LARGE1: variants seen among roughly 807,000 people sequenced by gnomAD.
LARGE1 encodes the protein LARGE xylosyl- and glucuronyltransferase 1.
LARGE1 carries 43 observed loss-of-function variants against 87.6 expected under a neutral mutation model. The observed-to-expected ratio is 0.49, with a 90% CI of 0.38 to 0.63. The LOEUF is 0.63. Ranked by LOEUF, LARGE1 falls within the 30% of genes least tolerant of loss-of-function variation. The pLI is 0.00. For missense variants in LARGE1, 802 were observed against 1,000.2 expected (o/e 0.80, Z 2.67); for synonymous variants, 434 against 394.6 (o/e 1.10, Z -1.18).
At chr22:33,166,943 G>A in intron 11 of LARGE1, 1 of 425,852 alleles carries the variant, frequency 2.3e-6, no homozygotes, top group South Asian at 1.7e-5. Context: ...TCCTCAAGTG[G>A]GTCTAAATTT....
intron 1 of LARGE1, among the ~76,000 whole-genome samples, chr22:33,836,815 T>G (rs992031314): frequency 2.0e-5 from 3 of 151,596 alleles, no homozygotes; most frequent in African/African-American, 7.3e-5. Flanking sequence ...AAAAAAGAAT[T>G]AATCCATGTA....
chr22:33,884,811 C>A (rs572912446), intron 1 of LARGE1, among the ~76,000 whole-genome samples: 1 of 152,280 alleles, frequency 6.6e-6, no homozygotes, highest in African/African-American at 2.4e-5. Flanking sequence ...CCTGATGGCA[C>A]AAATCAACCT....
the LARGE1 span, among the ~76,000 whole-genome samples, chr22:33,115,453 GAA>G: frequency 0.03 from 3,338 of 112,058 alleles, 137 homozygotes; most frequent in African/African-American, 0.095. Flanking sequence ...ACCTCTCAAA[GAA>G]AAAAAAAAAA....
intron 11 of LARGE1, among the ~76,000 whole-genome samples, chr22:33,259,300 C>T (rs1247203630): frequency 1.3e-5 from 2 of 151,332 alleles, no homozygotes; most frequent in Non-Finnish European, 2.9e-5. Flanking sequence ...AATTACTATC[C>T]ACGAGAAATC....
chr22:33,419,065 C>T (rs143922965), intron 7 of LARGE1, among the ~76,000 whole-genome samples: 27 of 152,086 alleles, frequency 1.8e-4, no homozygotes, highest in Non-Finnish European at 2.9e-4. Context: ...CTCGCAGTTC[C>T]GCATGGCTGG....
intron 6 of LARGE1, among the ~76,000 whole-genome samples, chr22:33,548,921 A>G (rs1019456889): frequency 6.6e-6 from 1 of 152,248 alleles, no homozygotes; most frequent in Admixed American, 6.5e-5. Context: ...TAACGAAGAG[A>G]AGCCTAAAAT....
intron 2 of LARGE1, among the ~76,000 whole-genome samples, chr22:33,712,505 C>T (rs759048993): frequency 1.3e-5 from 2 of 152,164 alleles, no homozygotes; most frequent in Non-Finnish European, 2.9e-5. Flanking sequence ...ACACAGTCCA[C>T]TCCATCATCA....
At chr22:33,127,373 G>A in the LARGE1 span, among the ~76,000 whole-genome samples, 1 of 152,154 alleles carries the variant, frequency 6.6e-6, no homozygotes, top group Admixed American at 6.6e-5. Context: ...TCAATCTCTA[G>A]TGAATTCTGA....
intron 5 of LARGE1, chr22:33,572,140 C>T (rs748205873): frequency 5.5e-6 from 6 of 1,088,148 alleles, no homozygotes; most frequent in South Asian, 1.3e-5. Context: ...AAATAGATTG[C>T]TTACCCATAT....
chr22:33,634,860 T>TG (rs130465), intron 3 of LARGE1, among the ~76,000 whole-genome samples: 152,117 of 152,118 alleles, frequency 1, 76,058 homozygotes, highest in Middle Eastern at 1. Flanking sequence ...CCAAGCATGG[T>TG]GCTCACGCCT....
chr22:33,129,859 C>G, the LARGE1 span, among the ~76,000 whole-genome samples: 1 of 152,190 alleles, frequency 6.6e-6, no homozygotes, highest in Non-Finnish European at 1.5e-5. Flanking sequence ...ATCCAATTAC[C>G]TCCACCTGGT....
intron 2 of LARGE1, among the ~76,000 whole-genome samples, chr22:33,696,482 C>T (rs542242084): frequency 5.3e-5 from 8 of 151,974 alleles, no homozygotes; most frequent in African/African-American, 1.5e-4. Flanking sequence ...TGGCTGGTCT[C>T]GAGCTCCTGA....
chr22:33,166,688 C>T (rs1602032869), exon 12 of LARGE1: 1 of 467,534 alleles, frequency 2.1e-6, no homozygotes, highest in East Asian at 7.0e-5. Context: ...TTGAGCCGTT[C>T]CAACATGCTG....
At chr22:33,147,212 T>C in the LARGE1 span, among the ~76,000 whole-genome samples, 2 of 152,226 alleles carry the variant, frequency 1.3e-5, no homozygotes, top group Non-Finnish European at 2.9e-5. Flanking sequence ...GTTATATACA[T>C]TATTGATTAT....
chr22:33,397,528 T>A (rs2065791358), intron 7 of LARGE1, among the ~76,000 whole-genome samples: 1 of 152,222 alleles, frequency 6.6e-6, no homozygotes, highest in Non-Finnish European at 1.5e-5. Flanking sequence ...AATCCATCCA[T>A]CCCATGCATG....
intron 11 of LARGE1, among the ~76,000 whole-genome samples, chr22:33,204,501 AC>A (rs1924584711): frequency 6.6e-6 from 1 of 152,030 alleles, no homozygotes; most frequent in Admixed American, 6.6e-5. Flanking sequence ...ACTCCTATAA[AC>A]CTCCACTCTC....
chr22:33,710,994 AT>A (rs2082714981), intron 2 of LARGE1, among the ~76,000 whole-genome samples: 1 of 152,204 alleles, frequency 6.6e-6, no homozygotes, highest in Non-Finnish European at 1.5e-5. Context: ...GTAAGAAATC[AT>A]TCGCTCATCA....
intron 2 of LARGE1, among the ~76,000 whole-genome samples, chr22:33,701,473 G>A (rs2082402303): frequency 6.6e-6 from 1 of 152,192 alleles, no homozygotes; most frequent in Non-Finnish European, 1.5e-5. Flanking sequence ...AAAGTCAGGA[G>A]GTTGGTAGTG....
At chr22:33,376,070 T>C (rs1268867931) in intron 9 of LARGE1, among the ~76,000 whole-genome samples, 1 of 150,494 alleles carries the variant, frequency 6.6e-6, no homozygotes, top group Non-Finnish European at 1.5e-5. Context: ...GTTTCTGTTC[T>C]TTTTTTTCTT....
Sources: gnomAD v4.1 joint callset for allele counts (sites outside exome capture counted in the v4.1 genomes callset) on GRCh38, gnomAD v4.1.1 for gene constraint, MANE v1.5 for transcripts, NCBI Gene and HGNC (gene_info 2026-07-23, HGNC 2026-07-21) for gene names.